The following AKR1D1 variants were observed in gnomAD, a reference collection of about 807,000 sequenced individuals.
The protein encoded by AKR1D1 is delta(4)-3-ketosteroid 5-beta-reductase.
A neutral mutation model predicts 42.6 loss-of-function variants in AKR1D1; 32 were observed. The ratio of observed to expected loss-of-function variants is 0.75; its 90% confidence interval spans 0.57 to 1.01. AKR1D1 has a LOEUF of 1.01. AKR1D1 is among the 50% of genes least tolerant of loss of function. The pLI is 0.00. For missense variants in AKR1D1, 364 were observed against 402.2 expected (o/e 0.91, Z 0.81); for synonymous variants, 123 against 135.5 (o/e 0.91, Z 0.64).
intron 7 of AKR1D1, 40 bp downstream of exon 7, chr7:138,107,620 G>A (rs1160935114): frequency 6.2e-7 from 1 of 1,608,004 alleles, no homozygotes; most frequent in Non-Finnish European, 8.5e-7. Context: ...AGATGGGTAT[G>A]TTTGCTATTT....
chr7:138,088,166 C>T (rs1044310197), intron 1 of AKR1D1, among the ~76,000 whole-genome samples: 9 of 152,156 alleles, frequency 5.9e-5, no homozygotes. Context: ...CCTGGGATTA[C>T]AGGTGTGAGC....
At chr7:138,092,574 A>G (rs1794105450) in intron 3 of AKR1D1, among the ~76,000 whole-genome samples, 1 of 152,258 alleles carries the variant, frequency 6.6e-6, no homozygotes, top group African/African-American at 2.4e-5. Flanking sequence ...CTTTTGTAAT[A>G]ACATGAATAA....
At chr7:138,093,162 G>A (rs111750303) in intron 3 of AKR1D1, among the ~76,000 whole-genome samples, 3,243 of 150,094 alleles carry the variant, frequency 0.022, 125 homozygotes, top group African/African-American at 0.076. Context: ...TCCGCCTCCC[G>A]GGTTCAAGCG....
chr7:138,102,784 T>C (rs1028307490), intron 4 of AKR1D1, among the ~76,000 whole-genome samples: 1 of 152,360 alleles, frequency 6.6e-6, no homozygotes, highest in African/African-American at 2.4e-5. Context: ...GTACTACAAC[T>C]GGCCCATACC....
chr7:138,083,851 C>T lies in AKR1D1; in HGVS notation c.94-4750C>T, dbSNP rs144078080. Among the ~76,000 whole-genome samples, 196 of 152,262 alleles carry T rather than the reference C, an allele frequency of 1.3e-3. 1 individual carries two copies. The highest frequency in any genetic ancestry group is 4.4e-3 in the African/African-American group (183 of 41,548). On this transcript the variant is annotated intron_variant, in intron 1 of 8. Transcript: ENST00000242375. ...CTGTTTAGGCTCTCAGTTGTTTCTA[C>T]CAGTCTTCCTTTATGGAACTTTGTT...
chr7:138,087,027 T>G (rs1025365447), intron 1 of AKR1D1, among the ~76,000 whole-genome samples: 2 of 152,218 alleles, frequency 1.3e-5, no homozygotes, highest in Admixed American at 1.3e-4. Context: ...TGAAAAATGG[T>G]GTCTTACTCT....
At chr7:138,091,712 C>A in intron 2 of AKR1D1, 56 bp from the exon 3 acceptor site, 1 of 1,341,156 alleles carries the variant, frequency 7.5e-7, no homozygotes, top group Non-Finnish European at 1.1e-6. Context: ...AAAGGGGCTG[C>A]CTTATCGTAA....
chr7:138,089,436 A>T (rs910517124), intron 2 of AKR1D1, among the ~76,000 whole-genome samples: 2 of 131,122 alleles, frequency 1.5e-5, no homozygotes, highest in South Asian at 2.3e-4. Flanking sequence ...AACGTAAATT[A>T]AAAAAAAAAA....
intron 5 of AKR1D1, 65 bp downstream of exon 5, chr7:138,105,494 G>C: frequency 6.2e-7 from 1 of 1,606,386 alleles, no homozygotes. Context: ...ACACAAAGAA[G>C]CCTCAGCTGG....
intron 8 of AKR1D1, among the ~76,000 whole-genome samples, chr7:138,114,594 A>G (rs1271727686): frequency 6.8e-6 from 1 of 146,656 alleles, no homozygotes; most frequent in Non-Finnish European, 1.5e-5. Context: ...CAGGAGGCAG[A>G]GGTTGCAGTG....
Position 138,109,903 on chromosome 7 carries a change from C to A in AKR1D1, c.855+2323C>A, listed in dbSNP as rs549619384. Among the ~76,000 whole-genome samples the A allele has an allele frequency of 8.3e-4, 126 of 152,210 alleles. 1 individual carries two copies. Among genetic ancestry groups the A allele is most frequent in the Middle Eastern group, 6.8e-3 (2 of 294 alleles). On this transcript the variant is annotated intron_variant, in intron 7 of 8. Coordinates refer to ENST00000242375, the MANE Select transcript of AKR1D1 (RefSeq NM_005989.4). ...TTGGACTTTATAGCATCTAGCAAAT[C>A]GCAATTTTGTACCAGAGAAAATGCC...
chr7:138,086,443 ATG>A (rs1217985062), intron 1 of AKR1D1, among the ~76,000 whole-genome samples: 6 of 152,240 alleles, frequency 3.9e-5, no homozygotes, highest in South Asian at 2.1e-4. Flanking sequence ...TGTTGCTGAA[ATG>A]TGTGTCTCCT....
chr7:138,109,999 A>G (rs1290547448), intron 7 of AKR1D1, among the ~76,000 whole-genome samples: 5 of 152,168 alleles, frequency 3.3e-5, no homozygotes, highest in Non-Finnish European at 5.9e-5. Context: ...TGATAATAAA[A>G]GAATGGAACT....
chr7:138,101,420 G>A (rs917216998), intron 4 of AKR1D1, among the ~76,000 whole-genome samples: 13 of 151,898 alleles, frequency 8.6e-5, no homozygotes, highest in Admixed American at 3.3e-4. Flanking sequence ...GGCTGGTCTC[G>A]AACTCCTGAC....
chr7:138,085,054 CAAAAA>C (rs58253168), intron 1 of AKR1D1, among the ~76,000 whole-genome samples: 3 of 70,824 alleles, frequency 4.2e-5, no homozygotes, highest in African/African-American at 1.2e-4. Context: ...GACTCCGTCT[CAAAAA>C]AAAAAAAAAA....
At chr7:138,077,544 A>C (rs552770257) in intron 1 of AKR1D1, among the ~76,000 whole-genome samples, 1 of 152,324 alleles carries the variant, frequency 6.6e-6, no homozygotes, top group South Asian at 2.1e-4. Context: ...ATCAGCATAG[A>C]AATGGAAATA....
At chr7:138,087,101 T>G (rs118023848) in intron 1 of AKR1D1, among the ~76,000 whole-genome samples, 8,807 of 152,268 alleles carry the variant, frequency 0.058, 388 homozygotes, top group Non-Finnish European at 0.079. Flanking sequence ...AGGTTTATTC[T>G]CTTACAGTTC....
intron 1 of AKR1D1, among the ~76,000 whole-genome samples, chr7:138,082,304 A>G (rs1803075116): frequency 6.6e-6 from 1 of 151,764 alleles, no homozygotes; most frequent in Non-Finnish European, 1.5e-5. Context: ...GGCACTTTTC[A>G]TAGTTTCCTG....
intron 4 of AKR1D1, 193 bp downstream of exon 4, chr7:138,098,136 G>T: frequency 1.9e-6 from 1 of 536,138 alleles, no homozygotes; most frequent in Admixed American, 3.3e-5. Flanking sequence ...TCTTACTTTT[G>T]TTTTGCTGGA....
Sources: gnomAD v4.1 joint callset for allele counts (sites outside exome capture counted in the v4.1 genomes callset) on GRCh38, gnomAD v4.1.1 for gene constraint, MANE v1.5 for transcripts, NCBI Gene and HGNC (gene_info 2026-07-23, HGNC 2026-07-21) for gene names.